SCN11A: variants seen among roughly 807,000 people sequenced by gnomAD.
The protein encoded by SCN11A is sodium channel protein type 11 subunit alpha.
A neutral mutation model predicts 162.2 loss-of-function variants in SCN11A; 122 were observed. That is an observed-to-expected ratio of 0.75 (90% CI 0.65 to 0.87). The LOEUF is 0.87. SCN11A is among the 40% of genes least tolerant of loss of function. The pLI, the probability that SCN11A is intolerant of heterozygous loss-of-function variation, is 0.00. For missense variants in SCN11A, 2,015 were observed against 2,181.6 expected, an observed-to-expected ratio of 0.92 and a Z score of 1.52; for synonymous variants, 758 against 751.5, an observed-to-expected ratio of 1.01 and a Z score of -0.14.
intron 9 of SCN11A, among the ~76,000 whole-genome samples, chr3:38,922,295 T>C (rs2066066157): frequency 6.6e-6 from 1 of 152,222 alleles, no homozygotes; most frequent in African/African-American, 2.4e-5. Context: ...GCTGGGACAC[T>C]TACTATATCA....
chr3:38,880,932 G>A (rs571437624), intron 22 of SCN11A, among the ~76,000 whole-genome samples: 3 of 152,130 alleles, frequency 2.0e-5, no homozygotes, highest in Non-Finnish European at 4.4e-5. Context: ...AAGACGGCCT[G>A]TTACTAAAGC....
intron 15 of SCN11A, among the ~76,000 whole-genome samples, 171 bp from the exon 16 acceptor site, chr3:38,904,274 A>T (rs1376245896): frequency 2.6e-5 from 4 of 152,216 alleles, no homozygotes; most frequent in Non-Finnish European, 4.4e-5. Flanking sequence ...CTTAGTGCAG[A>T]AGAGACAATG....
chr3:38,864,542 G>A (rs2065013032), intron 27 of SCN11A, among the ~76,000 whole-genome samples: 1 of 152,120 alleles, frequency 6.6e-6, no homozygotes, highest in Non-Finnish European at 1.5e-5. Context: ...TAGATGTTAA[G>A]TGAAAACTTT....
intron 27 of SCN11A, among the ~76,000 whole-genome samples, chr3:38,863,652 CA>C (rs2064999778): frequency 6.6e-6 from 1 of 151,586 alleles, no homozygotes; most frequent in Non-Finnish European, 1.5e-5. Context: ...AAAATTTAGA[CA>C]AACATCTCAT....
chr3:39,050,534 T>G (rs1010385069), intron 1 of SCN11A, among the ~76,000 whole-genome samples: 21 of 152,266 alleles, frequency 1.4e-4, no homozygotes, highest in Non-Finnish European at 1.5e-5. Context: ...CTGCCAGTTT[T>G]GCTTAAGAAG....
Position 38,864,692 on chromosome 3 carries a change from G to A in SCN11A, c.3952-1393C>T, listed in dbSNP as rs757118131. ...ATTCTAGACTGTGGTCTTGGAAACC[G>A]TTTCCCACAAAGAAACAAACAGTTT... On this transcript the variant is annotated intron_variant, in intron 27 of 29. Coordinates refer to ENST00000302328, the MANE Select transcript of SCN11A (RefSeq NM_001349253.2). Among the ~76,000 whole-genome samples, 9 of 152,070 alleles carry A rather than the reference G, an allele frequency of 5.9e-5. No homozygotes were observed. In the East Asian group the frequency reaches 1.2e-3, roughly 20 times the overall value.
chr3:38,982,745 T>C (rs2030102358), intron 2 of SCN11A, among the ~76,000 whole-genome samples: 1 of 151,884 alleles, frequency 6.6e-6, no homozygotes, highest in Non-Finnish European at 1.5e-5. Context: ...AAGGATGGGG[T>C]GGGGGTCAGG....
At chr3:39,007,694 C>G (rs201133017) in intron 2 of SCN11A, among the ~76,000 whole-genome samples, 1 of 152,228 alleles carries the variant, frequency 6.6e-6, no homozygotes, top group Non-Finnish European at 1.5e-5. Context: ...AGCTCCTGCA[C>G]GCAGGACCAT....
At chr3:39,043,483 CAAAA>C (rs34032181) in intron 1 of SCN11A, among the ~76,000 whole-genome samples, 1 of 105,282 alleles carries the variant, frequency 9.5e-6, no homozygotes, top group African/African-American at 3.1e-5. Flanking sequence ...ACTATACAGC[CAAAA>C]AAAAAAAAAA....
intron 2 of SCN11A, among the ~76,000 whole-genome samples, chr3:38,988,954 G>A (rs2030358659): frequency 6.6e-6 from 1 of 152,114 alleles, no homozygotes. Flanking sequence ...AAAAACAATG[G>A]CTGCATATTC....
intron 2 of SCN11A, among the ~76,000 whole-genome samples, chr3:38,995,546 G>T (rs1233213226): frequency 1.3e-5 from 2 of 152,178 alleles, no homozygotes; most frequent in Admixed American, 1.3e-4. Flanking sequence ...TCTGCTGGGG[G>T]TCTGAATAGA....
intron 2 of SCN11A, among the ~76,000 whole-genome samples, chr3:39,022,780 C>T (rs1368224762): frequency 1.3e-5 from 2 of 151,940 alleles, no homozygotes; most frequent in East Asian, 3.9e-4. Flanking sequence ...ACTTGGGAGG[C>T]TGAGGCAAGA....
chr3:38,926,790 T>G lies in SCN11A; in HGVS notation c.617+13A>C. 6.2e-7 allele frequency: 1 copy of G among 1,611,736 alleles called. No individual in the cohort carries two copies. The highest frequency in any genetic ancestry group is 8.5e-7 in the Non-Finnish European group (1 of 1,179,200). ...ACTCCAAGTCTCTTCAAAAACATCT[T>G]TAATATTCTTACGCTATTCCAATGA... is the stretch of plus-strand genomic sequence containing the variant. On this transcript the variant is annotated intron_variant, in intron 8 of 29. Coordinates refer to ENST00000302328, the MANE Select transcript of SCN11A (RefSeq NM_001349253.2).
Position 38,907,933 on chromosome 3 carries a change from C to A in SCN11A, c.1473+16G>T. The A allele has an allele frequency of 6.3e-7, 1 of 1,589,614 alleles. No homozygotes were observed. The highest frequency in any genetic ancestry group is 1.2e-5 in the South Asian group (1 of 85,690). ...GACAGCAATATGGTATCATTAATTC[C>A]CTGGAAAAGACTTACCTTTTTTTGG... On this transcript the variant is annotated intron_variant, in intron 14 of 29. Coordinates refer to ENST00000302328, the MANE Select transcript of SCN11A (RefSeq NM_001349253.2).
chr3:38,973,370 G>A (rs1265412439), intron 2 of SCN11A, among the ~76,000 whole-genome samples: 1 of 151,584 alleles, frequency 6.6e-6, no homozygotes, highest in Non-Finnish European at 1.5e-5. Flanking sequence ...GCAGTCAGAA[G>A]TCAACAGTAA....
intron 19 of SCN11A, among the ~76,000 whole-genome samples, chr3:38,888,761 A>G (rs1033449303): frequency 1.3e-5 from 2 of 152,194 alleles, no homozygotes; most frequent in African/African-American, 4.8e-5. Context: ...ACTAAAATTC[A>G]GTAAGAACAG....
chr3:38,859,680 T>C (rs1466478450), intron 28 of SCN11A, among the ~76,000 whole-genome samples: 1 of 152,202 alleles, frequency 6.6e-6, no homozygotes. Flanking sequence ...TCACACCTAA[T>C]GGACTCCATC....
At chr3:38,848,951 A>G (rs1482293474) in intron 29 of SCN11A, among the ~76,000 whole-genome samples, 1 of 152,192 alleles carries the variant, frequency 6.6e-6, no homozygotes, top group African/African-American at 2.4e-5. Context: ...TGGCAAAGGC[A>G]TATAAAACTC....
intron 7 of SCN11A, among the ~76,000 whole-genome samples, chr3:38,943,685 A>C (rs59730261): frequency 6.6e-6 from 1 of 152,210 alleles, no homozygotes; most frequent in Non-Finnish European, 1.5e-5. Context: ...ATGGAAACAC[A>C]CAATTCAGAA....
Sources: gnomAD v4.1 joint callset for allele counts (sites outside exome capture counted in the v4.1 genomes callset) on GRCh38, gnomAD v4.1.1 for gene constraint, MANE v1.5 for transcripts, NCBI Gene and HGNC (gene_info 2026-07-23, HGNC 2026-07-21) for gene names.